IGDCC3: variants seen among roughly 807,000 people sequenced by gnomAD.
The protein encoded by IGDCC3 is putative neuronal cell adhesion molecule.
A neutral mutation model predicts 72.0 loss-of-function variants in IGDCC3; 47 were observed. The ratio of observed to expected loss-of-function variants is 0.65; its 90% CI spans 0.52 to 0.83. The LOEUF is 0.83. Among genes scored for constraint, IGDCC3 ranks in the 40% least tolerant of loss-of-function variants. The probability of loss-of-function intolerance (pLI) is 0.00; values close to 1 mark genes in which losing one functional copy is unlikely to be tolerated. For synonymous variants in IGDCC3, 477 were observed against 472.8 expected (o/e 1.01, Z -0.11); for missense variants, 1,038 against 1,091.3 (o/e 0.95, Z 0.69).
chr15:65,358,950 C>T (rs12592149), intron 2 of IGDCC3, among the ~76,000 whole-genome samples: 9,844 of 152,210 alleles, frequency 0.065, 668 homozygotes, highest in East Asian at 0.34. Flanking sequence ...CTCAGCCTCC[C>T]GAGTAGCTTG....
chr15:65,372,266 G>C (rs974676833), intron 2 of IGDCC3, among the ~76,000 whole-genome samples: 2 of 152,198 alleles, frequency 1.3e-5, no homozygotes, highest in African/African-American at 4.8e-5. Flanking sequence ...CAAGGAAACT[G>C]GGATGAGGGA....
intron 2 of IGDCC3, among the ~76,000 whole-genome samples, chr15:65,371,227 C>T (rs1162857221): frequency 1.3e-5 from 2 of 152,230 alleles, no homozygotes; most frequent in African/African-American, 4.8e-5. Context: ...AAGCCCTGTG[C>T]CAGGTGCTTT....
Position 65,328,294 on chromosome 15 carries a change from G to GT in IGDCC3, c.*614_*615insA, listed in dbSNP as rs1567058358. On this transcript the variant is annotated 3_prime_UTR_variant, in exon 14 of 14. Coordinates refer to ENST00000327987, the MANE Select transcript of IGDCC3 (RefSeq NM_004884.4). ...CTTTCACACCTGGAAACGGGGAAGT[G>GT]CTTTTTTTTTTTTTTTTTTTTTTAC... 3.8e-4 allele frequency: 33 copies of GT among 86,736 alleles called. No individual in the cohort carries two copies. The highest frequency in any genetic ancestry group is 1.3e-3 in the African/African-American group (33 of 25,182). 5.4% of individuals were successfully genotyped at this position (86,736 alleles called of 1,614,324 possible).
At position 65,328,771 on chromosome 15, in the gene IGDCC3, ACAACC is replaced by A. The variant is rs552718554; in HGVS notation, c.*133_*137del. The A allele has an allele frequency of 2.3e-5, 27 of 1,156,770 alleles. No homozygotes were observed. In the South Asian group the frequency reaches 6.5e-4, roughly 28 times the overall value. 71.7% of individuals were successfully genotyped at this position (1,156,770 alleles called of 1,614,324 possible). A position where few individuals can be genotyped will look rare whatever the true frequency, so the allele number is the denominator to read the frequency against. ...CCTGTCAAGGCTGCCTTGGGTTTTG[ACAACC>A]CAAGAGGCAGTCAGGATAGAAATGC... On this transcript the variant is annotated 3_prime_UTR_variant, in exon 14 of 14. Transcript: ENST00000327987.
rs1282907727 is a variant in IGDCC3 at position 65,331,480 on chromosome 15, G to T, written c.1328C>A (p.Ser443Tyr). The T allele has an allele frequency of 6.2e-7, 1 of 1,613,624 alleles. No individual in the cohort carries two copies. The highest frequency in any genetic ancestry group is 8.5e-7 in the Non-Finnish European group (1 of 1,179,996). ...GGTGTTGGCCAGCGGCTCACTCCAG[G>T]ACACACGCACCTCAGTGGAAGACAC... ...VSVSSTEVRV[S>Y]WSEPLANTKE... The change falls in exon 8 of 14, where the codon TCC (serine) becomes TAC (tyrosine). Residue 443 changes from serine (S) to tyrosine (Y), a missense_variant. Physicochemically the swap from Ser to Tyr is moderately radical, Grantham distance 144. Transcript: ENST00000327987.
chr15:65,327,596 C>G lies in IGDCC3; in HGVS notation c.*1313G>C, dbSNP rs1489139575. 6.6e-6 allele frequency: 1 copy of G among 152,448 alleles called. No individual in the cohort carries two copies. Among genetic ancestry groups the G allele is most frequent in the Non-Finnish European group, 1.5e-5 (1 of 68,016 alleles). The allele number at this position is 152,448 out of a possible 1,614,324, so 9.4% of individuals were successfully genotyped here. ...AATAGGTATTTGTTTCCTTGGTTTTCTTTTCTTCTTCTTTAACTAAGTAGT... is the reference window on the plus strand; with the variant it reads ...AATAGGTATTTGTTTCCTTGGTTTTGTTTTCTTCTTCTTTAACTAAGTAGT... On this transcript the variant is annotated 3_prime_UTR_variant, in exon 14 of 14. Coordinates refer to ENST00000327987, the MANE Select transcript of IGDCC3 (RefSeq NM_004884.4).
chr15:65,343,754 G>A (rs1249634874), intron 2 of IGDCC3, among the ~76,000 whole-genome samples: 1 of 152,204 alleles, frequency 6.6e-6, no homozygotes, highest in African/African-American at 2.4e-5. Flanking sequence ...CCCCTGGAGG[G>A]CAAGGAGGCC....
At chr15:65,357,331 G>C (rs2140161728) in intron 2 of IGDCC3, among the ~76,000 whole-genome samples, 1 of 152,218 alleles carries the variant, frequency 6.6e-6, no homozygotes, top group South Asian at 2.1e-4. Flanking sequence ...TAAATAATTA[G>C]TGTTGCCCAG....
chr15:65,368,303 G>A (rs1425076156), intron 2 of IGDCC3, among the ~76,000 whole-genome samples: 1 of 151,628 alleles, frequency 6.6e-6, no homozygotes, highest in African/African-American at 2.4e-5. Context: ...GGGGACAGAG[G>A]GTTAAGGGGG....
At chr15:65,341,892 G>C (rs914881392) in intron 2 of IGDCC3, among the ~76,000 whole-genome samples, 6 of 152,140 alleles carry the variant, frequency 3.9e-5, no homozygotes, top group African/African-American at 1.4e-4. Context: ...TCATGCCTCA[G>C]CCTCCCAAGT....
In IGDCC3 at chr15:65,339,419, T is replaced by C. The variant is rs993331876; in HGVS notation, c.410-3463A>G. On this transcript the variant is annotated intron_variant, in intron 2 of 13. Coordinates refer to ENST00000327987, the MANE Select transcript of IGDCC3 (RefSeq NM_004884.4). This position sits in a 1 kb window ranked among gnomAD's most constrained non-coding sequence, Gnocchi z 4.1. Reference sequence around the variant, plus strand: ...TTATAGAGACAGGGTCTCCCTACGTTGCCCGGACTGGCACAGCATTTTTTT... The same window carrying C: ...TTATAGAGACAGGGTCTCCCTACGTCGCCCGGACTGGCACAGCATTTTTTT... Among the ~76,000 whole-genome samples, 2 of 152,250 alleles carry C rather than the reference T, an allele frequency of 1.3e-5. No homozygotes were observed. The highest frequency in any genetic ancestry group is 3.8e-4 in the East Asian group (2 of 5,202).
chr15:65,367,389 AG>A lies in IGDCC3; in HGVS notation c.409+7707del, dbSNP rs916907485. Among the ~76,000 whole-genome samples the A allele has an allele frequency of 1.1e-4, 16 of 148,842 alleles. No homozygotes were observed. The South Asian group carries it at 2.2e-3, about 20-fold the overall frequency. ...AAAGAAAAGAAAAAGGAATGGGGAG[AG>A]GGGGGAGGGATAGCTTTAGGAGATA... On this transcript the variant is annotated intron_variant, in intron 2 of 13. Transcript: ENST00000327987.
chr15:65,357,412 C>T (rs953708119), intron 2 of IGDCC3, among the ~76,000 whole-genome samples: 9 of 152,198 alleles, frequency 5.9e-5, no homozygotes, highest in Non-Finnish European at 1.2e-4. Context: ...TATCACAGAG[C>T]CCTTTCTGAG....
Position 65,330,389 on chromosome 15 carries a change from C to A in IGDCC3, c.1762G>T (p.Ala588Ser), listed in dbSNP as rs373551376. 1.6e-5 allele frequency: 26 copies of A among 1,612,936 alleles called. No homozygotes were observed. Among genetic ancestry groups the A allele is most frequent in the Non-Finnish European group, 2.2e-5 (26 of 1,179,180 alleles). ...SYNLSQLDPT[A>S]VYEVKLLAYN... ...GCGAGCAGCTTCACCTCATACACTG[C>A]AGTGGGGTCTGGAGGAAGGCAGGGC... The change falls in exon 11 of 14, where the codon GCA becomes TCA. Residue 588 changes from alanine to serine, a missense_variant. By Grantham distance (99) the Ala-to-Ser change is moderately conservative. Transcript: ENST00000327987.
intron 8 of IGDCC3, 44 bp from the exon 9 acceptor site, chr15:65,331,258 G>C (rs746034026): frequency 1.2e-6 from 2 of 1,600,242 alleles, no homozygotes; most frequent in African/African-American, 2.7e-5. Flanking sequence ...AGGACTGGGG[G>C]AGTCCTGCCA....
chr15:65,370,705 C>T (rs2091320981), intron 2 of IGDCC3, among the ~76,000 whole-genome samples: 1 of 148,740 alleles, frequency 6.7e-6, no homozygotes, highest in Non-Finnish European at 1.5e-5. Context: ...GTGCTAAGCT[C>T]TTCCTGCACA....
At chr15:65,367,739 C>A (rs1306532723) in intron 2 of IGDCC3, among the ~76,000 whole-genome samples, 1 of 152,024 alleles carries the variant, frequency 6.6e-6, no homozygotes, top group Non-Finnish European at 1.5e-5. Context: ...TTATCTATCA[C>A]CTCCTCTTGC....
chr15:65,336,834 A>G (rs1364030245), intron 2 of IGDCC3, among the ~76,000 whole-genome samples: 1 of 151,914 alleles, frequency 6.6e-6, no homozygotes, highest in Admixed American at 6.6e-5. Flanking sequence ...CCACCCTGTA[A>G]TGCCTGGGGA....
chr15:65,360,927 C>G (rs1405512828), intron 2 of IGDCC3, among the ~76,000 whole-genome samples: 1 of 152,156 alleles, frequency 6.6e-6, no homozygotes, highest in Non-Finnish European at 1.5e-5. Context: ...AGGCACACAC[C>G]ACCATGCCTG....
Sources: gnomAD v4.1 joint callset for allele counts (sites outside exome capture counted in the v4.1 genomes callset) on GRCh38, gnomAD v4.1.1 for gene constraint, Gnocchi (gnomAD v3.1) non-coding constraint, MANE v1.5 for transcripts, NCBI Gene and HGNC (gene_info 2026-07-23, HGNC 2026-07-21) for gene names.